Variants in HMGA2 observed in about 807,000 individuals in gnomAD.
The protein encoded by HMGA2 is high mobility group AT-hook 2.
A neutral mutation model predicts 19.1 loss-of-function variants in HMGA2; 8 were observed. That is an observed-to-expected ratio of 0.42 (90% CI 0.25 to 0.76). HMGA2 has a LOEUF of 0.76. Among genes scored for constraint, HMGA2 ranks in the 30% least tolerant of loss-of-function variants. The probability of loss-of-function intolerance (pLI) is 0.28; values close to 1 mark genes in which losing one functional copy is unlikely to be tolerated. For missense variants in HMGA2, 109 were observed against 136.3 expected (o/e 0.80, Z 1.00); for synonymous variants, 60 against 48.8 (o/e 1.23, Z -0.96).
intron 2 of HMGA2, among the ~76,000 whole-genome samples, chr12:65,837,364 T>G (rs1870778670): frequency 6.6e-6 from 1 of 152,210 alleles, no homozygotes; most frequent in South Asian, 2.1e-4. Context: ...GTAAAGCTAT[T>G]TGTTTTTACC....
chr12:65,864,681 A>G (rs1349809307), intron 3 of HMGA2, among the ~76,000 whole-genome samples: 2 of 152,208 alleles, frequency 1.3e-5, no homozygotes, highest in African/African-American at 4.8e-5. Flanking sequence ...CACACTACAA[A>G]TGATTTTATA....
At chr12:65,836,890 A>G (rs1870754229) in intron 2 of HMGA2, among the ~76,000 whole-genome samples, 1 of 152,152 alleles carries the variant, frequency 6.6e-6, no homozygotes. Context: ...TTAGTTTCCT[A>G]AAGTATTTTT....
At chr12:65,898,871 C>T (rs1421855116) in intron 3 of HMGA2, among the ~76,000 whole-genome samples, 2 of 151,780 alleles carry the variant, frequency 1.3e-5, no homozygotes, top group East Asian at 1.9e-4. Flanking sequence ...AGTGAAACTC[C>T]GTCTCTACTA....
At chr12:65,877,355 G>A (rs1228340902) in intron 3 of HMGA2, among the ~76,000 whole-genome samples, 1 of 152,100 alleles carries the variant, frequency 6.6e-6, no homozygotes, top group African/African-American at 2.4e-5. Flanking sequence ...TTCCTGGCTT[G>A]GAGCTGTTCC....
intron 3 of HMGA2, among the ~76,000 whole-genome samples, chr12:65,945,129 G>A (rs1033388275): frequency 2.0e-5 from 3 of 151,832 alleles, no homozygotes; most frequent in Admixed American, 6.6e-5. Flanking sequence ...ATGGATTGGA[G>A]TGGAGGCCAC....
intron 3 of HMGA2, among the ~76,000 whole-genome samples, chr12:65,912,823 C>T (rs979007553): frequency 1.3e-5 from 2 of 152,124 alleles, no homozygotes; most frequent in African/African-American, 2.4e-5. Context: ...AATGTGGATT[C>T]TCATAGGATG....
At chr12:65,911,144 A>G (rs1281503327) in intron 3 of HMGA2, among the ~76,000 whole-genome samples, 1 of 152,218 alleles carries the variant, frequency 6.6e-6, no homozygotes, top group Non-Finnish European at 1.5e-5. Context: ...TTTCAAAACG[A>G]CACTCCATGT....
At chr12:65,922,921 A>G (rs556146477) in intron 3 of HMGA2, among the ~76,000 whole-genome samples, 4 of 152,184 alleles carry the variant, frequency 2.6e-5, no homozygotes, top group Admixed American at 1.3e-4. Flanking sequence ...TTCTCTTGCC[A>G]CCACCATGTA....
Position 65,963,546 on chromosome 12 carries a change from C to G in HMGA2, c.*254C>G, listed in dbSNP as rs1876817765. 3.8e-6 allele frequency: 2 copies of G among 530,962 alleles called. No individual in the cohort carries two copies. The highest frequency in any genetic ancestry group is 6.7e-6 in the Non-Finnish European group (2 of 300,740). The allele number at this position is 530,962 out of a possible 1,614,324, so 32.9% of individuals were successfully genotyped here. On this transcript the variant is annotated 3_prime_UTR_variant, in exon 5 of 5. Transcript: ENST00000403681. ...AAAACTGCTGTAAACACAGGGGACA[C>G]AGCTTAACAATGCAACTTTTAATTA...
chr12:65,864,678 C>T (rs1275159979), intron 3 of HMGA2, among the ~76,000 whole-genome samples: 1 of 152,170 alleles, frequency 6.6e-6, no homozygotes, highest in African/African-American at 2.4e-5. Context: ...GGACACACTA[C>T]AAATGATTTT....
intron 3 of HMGA2, among the ~76,000 whole-genome samples, chr12:65,878,854 G>A (rs1274174136): frequency 2.0e-5 from 3 of 152,180 alleles, no homozygotes; most frequent in Non-Finnish European, 2.9e-5. Flanking sequence ...CATACTAGTC[G>A]AAGATCACAG....
At chr12:65,928,602 C>T (rs1404789717) in intron 3 of HMGA2, among the ~76,000 whole-genome samples, 2 of 152,160 alleles carry the variant, frequency 1.3e-5, no homozygotes, top group Non-Finnish European at 2.9e-5. Context: ...AACACAAACA[C>T]ATTATGTAGC....
intron 3 of HMGA2, among the ~76,000 whole-genome samples, chr12:65,844,084 C>T (rs1352166753): frequency 6.7e-6 from 1 of 150,292 alleles, no homozygotes; most frequent in African/African-American, 2.5e-5. Flanking sequence ...TATATAACTG[C>T]AATGTTTAGA....
At chr12:65,929,286 C>T (rs923677059) in intron 3 of HMGA2, among the ~76,000 whole-genome samples, 2 of 151,722 alleles carry the variant, frequency 1.3e-5, no homozygotes, top group Non-Finnish European at 2.9e-5. Context: ...ATTTTTAAAG[C>T]GGAGTTTTGT....
At chr12:65,910,635 T>G (rs776229813) in intron 3 of HMGA2, among the ~76,000 whole-genome samples, 76 of 152,192 alleles carry the variant, frequency 5.0e-4, no homozygotes, top group Non-Finnish European at 6.2e-4. Flanking sequence ...GTCCCTGAGT[T>G]TTCATGACAT....
chr12:65,832,540 TTA>T (rs904149256), intron 2 of HMGA2, among the ~76,000 whole-genome samples: 5 of 152,166 alleles, frequency 3.3e-5, no homozygotes, highest in African/African-American at 1.2e-4. Context: ...GAAGAGGATT[TTA>T]TGTCAGTTAA....
chr12:65,833,132 T>C (rs1348520427), intron 2 of HMGA2, among the ~76,000 whole-genome samples: 1 of 152,016 alleles, frequency 6.6e-6, no homozygotes, highest in Non-Finnish European at 1.5e-5. Context: ...TGATAGCAAA[T>C]TGTAATGTCT....
At chr12:65,916,628 A>T (rs765983774) in intron 3 of HMGA2, among the ~76,000 whole-genome samples, 1 of 152,260 alleles carries the variant, frequency 6.6e-6, no homozygotes, top group Non-Finnish European at 1.5e-5. Flanking sequence ...TAGGATGTGC[A>T]GGATGCCCCA....
At chr12:65,901,534 T>C (rs1874371876) in intron 3 of HMGA2, among the ~76,000 whole-genome samples, 1 of 152,224 alleles carries the variant, frequency 6.6e-6, no homozygotes, top group African/African-American at 2.4e-5. Flanking sequence ...TTGTTGGTGA[T>C]AGAATTACAA....
Sources: gnomAD v4.1 joint callset for allele counts (sites outside exome capture counted in the v4.1 genomes callset) on GRCh38, gnomAD v4.1.1 for gene constraint, MANE v1.5 for transcripts, NCBI Gene and HGNC (gene_info 2026-07-23, HGNC 2026-07-21) for gene names.